Variants in CALN1 observed in about 807,000 individuals in gnomAD.
The protein encoded by CALN1 is calneuron 1.
CALN1 carries 17 observed loss-of-function variants against 30.6 expected under a neutral mutation model. The ratio of observed to expected loss-of-function variants is 0.56; its 90% CI spans 0.38 to 0.83. The LOEUF is 0.83. Ranked by LOEUF, CALN1 falls within the 40% of genes least tolerant of loss-of-function variation. The pLI, the probability that CALN1 is intolerant of heterozygous loss-of-function variation, is 0.00. For missense variants in CALN1, 291 were observed against 354.9 expected (o/e 0.82, Z 1.45); for synonymous variants, 156 against 131.4 (o/e 1.19, Z -1.28).
At chr7:72,301,272 G>C (rs140005772) in intron 2 of CALN1, among the ~76,000 whole-genome samples, 1,899 of 152,148 alleles carry the variant, frequency 0.012, 16 homozygotes, top group Non-Finnish European at 0.02. Context: ...CCTTCACTTA[G>C]ATCAGCTTGC....
intron 5 of CALN1, among the ~76,000 whole-genome samples, chr7:71,915,923 G>A (rs1308823396): frequency 6.6e-6 from 1 of 152,146 alleles, no homozygotes; most frequent in African/African-American, 2.4e-5. Context: ...GCAGCAACAT[G>A]TGTCTAGCAG....
chr7:72,020,967 A>G (rs977640523), intron 5 of CALN1, among the ~76,000 whole-genome samples: 2 of 152,124 alleles, frequency 1.3e-5, no homozygotes, highest in Non-Finnish European at 2.9e-5. Flanking sequence ...GGATGGAGGT[A>G]AAGAGTAGGA....
intron 4 of CALN1, among the ~76,000 whole-genome samples, chr7:72,068,490 TTTTG>T (rs58629331): frequency 0.21 from 31,779 of 151,802 alleles, 4,190 homozygotes; most frequent in Middle Eastern, 0.33. Context: ...GGGCCTCCTG[TTTTG>T]TTTGTTTGTT....
intron 4 of CALN1, among the ~76,000 whole-genome samples, chr7:72,095,474 T>C (rs1292283381): frequency 6.6e-6 from 1 of 152,194 alleles, no homozygotes; most frequent in Non-Finnish European, 1.5e-5. Flanking sequence ...ATTATGCTTA[T>C]TCACAAATGC....
intron 3 of CALN1, among the ~76,000 whole-genome samples, chr7:72,223,575 G>A (rs186405698): frequency 4.3e-4 from 66 of 152,214 alleles, no homozygotes; most frequent in Admixed American, 1.0e-3. Context: ...TCTCTCATAG[G>A]CCTGATGTGG....
At chr7:72,413,919 C>T (rs1807340079), upstream of CALN1, among the ~76,000 whole-genome samples, 1 of 151,998 alleles carries the variant, frequency 6.6e-6, no homozygotes, top group Admixed American at 6.6e-5. Flanking sequence ...CACCGCACTC[C>T]CATACATGCA....
rs552215237 is a variant in CALN1 at position 72,032,337 on chromosome 7, C to T, written c.389-8568G>A. Among the ~76,000 whole-genome samples, 119 of 152,276 alleles carry T rather than the reference C, an allele frequency of 7.8e-4. 2 individuals are homozygous for T. Among genetic ancestry groups the T allele is most frequent in the Admixed American group, 2.2e-3 (33 of 15,292 alleles). The stretch of plus-strand genomic sequence containing the variant: ...CTGGGATTACAGGCATGAGCCACCG[C>T]GCCCAGCTACTCCTGGCTAATTTTT... On this transcript the variant is annotated intron_variant, in intron 4 of 6. Transcript: ENST00000395275.
chr7:72,387,266 A>AGGGAGGGAGGGAGGGAGGG (rs1805276487), intron 2 of CALN1, among the ~76,000 whole-genome samples: 1 of 7,310 alleles, frequency 1.4e-4, no homozygotes, highest in African/African-American at 4.2e-4. Flanking sequence ...GGAAGGGAGG[A>AGGGAGGGAGGGAGGGAGGG]AGGGAGGAAG....
At chr7:72,335,903 G>A (rs1396105298) in intron 2 of CALN1, among the ~76,000 whole-genome samples, 1 of 152,206 alleles carries the variant, frequency 6.6e-6, no homozygotes, top group Non-Finnish European at 1.5e-5. Flanking sequence ...ACCTGCTGCT[G>A]CCTAGGCGCC....
At chr7:72,241,777 C>G (rs1208276807) in intron 3 of CALN1, among the ~76,000 whole-genome samples, 1 of 152,016 alleles carries the variant, frequency 6.6e-6, no homozygotes, top group African/African-American at 2.4e-5. Flanking sequence ...GATACCATAA[C>G]TCAGCCATGC....
intron 2 of CALN1, among the ~76,000 whole-genome samples, chr7:72,382,247 T>C (rs1197984366): frequency 6.6e-6 from 1 of 152,138 alleles, no homozygotes; most frequent in African/African-American, 2.4e-5. Flanking sequence ...TAGGAATTTT[T>C]CTGTCAGTGC....
At chr7:71,875,745 G>A (rs1299083644) in intron 5 of CALN1, among the ~76,000 whole-genome samples, 1 of 146,936 alleles carries the variant, frequency 6.8e-6, no homozygotes, top group East Asian at 1.9e-4. Flanking sequence ...GGCCCAGCTA[G>A]GTTCTTATAC....
intron 2 of CALN1, among the ~76,000 whole-genome samples, chr7:72,370,755 G>C (rs1182140478): frequency 6.6e-6 from 1 of 151,570 alleles, no homozygotes; most frequent in Non-Finnish European, 1.5e-5. Context: ...GTCTTTCAAA[G>C]AGAGAGCTCT....
chr7:72,073,625 T>TTCTC (rs763442144), intron 4 of CALN1, among the ~76,000 whole-genome samples: 1 of 151,600 alleles, frequency 6.6e-6, no homozygotes, highest in Admixed American at 6.6e-5. Flanking sequence ...CTTTCTTTCT[T>TTCTC]TCTCTCTGTC....
the CALN1 span, among the ~76,000 whole-genome samples, chr7:72,473,531 TGTAAA>T: frequency 6.6e-6 from 1 of 152,190 alleles, no homozygotes; most frequent in Non-Finnish European, 1.5e-5. Context: ...ATGGTTCTCA[TGTAAA>T]TGTAAAATGA....
At chr7:72,301,604 G>GTC (rs1382131994) in intron 2 of CALN1, among the ~76,000 whole-genome samples, 17 of 69,098 alleles carry the variant, frequency 2.5e-4, no homozygotes, top group Non-Finnish European at 4.1e-4. Context: ...CAAAGACTTT[G>GTC]TCTCTCAAAA....
At chr7:72,487,748 A>AGGAAGGAAGGAAGGAAGGAAGGAAG in the CALN1 span, among the ~76,000 whole-genome samples, 1 of 128,224 alleles carries the variant, frequency 7.8e-6, no homozygotes, top group African/African-American at 3.2e-5. Context: ...GAAGGAAGGA[A>AGGAAGGAAGGAAGGAAGGAAGGAAG]GGAAGGAAGG....
rs376052373 is a variant in CALN1, at chr7:72,338,570, T to C, written c.120-59760A>G. 2.7e-5 allele frequency among the ~76,000 whole-genome samples: 4 copies of C among 149,944 alleles called. 1 individual carries two copies. Among genetic ancestry groups the C allele is most frequent in the African/African-American group, 9.8e-5 (4 of 40,712 alleles). On this transcript the variant is annotated intron_variant, in intron 2 of 6. Transcript: ENST00000395275. ...TTCAGAGTCCCTGAGGCACTCATTG[T>C]GGGTGCCACGCCTTTAGCATTTAGC...
At chr7:71,987,405 G>A (rs1160872188) in intron 5 of CALN1, among the ~76,000 whole-genome samples, 1 of 152,208 alleles carries the variant, frequency 6.6e-6, no homozygotes, top group Non-Finnish European at 1.5e-5. Context: ...GGGCTAGGCA[G>A]TCTGCTTCCC....
Sources: gnomAD v4.1 joint callset for allele counts (sites outside exome capture counted in the v4.1 genomes callset) on GRCh38, gnomAD v4.1.1 for gene constraint, MANE v1.5 for transcripts, NCBI Gene and HGNC (gene_info 2026-07-23, HGNC 2026-07-21) for gene names.